The following TRIM33 variants were observed in gnomAD, a reference collection of about 807,000 sequenced individuals.
TRIM33 encodes tripartite motif containing 33, also known as E3 ubiquitin-protein ligase TRIM33.
A neutral mutation model predicts 125.4 loss-of-function variants in TRIM33; 20 were observed. The ratio of observed to expected loss-of-function variants is 0.16; its 90% CI spans 0.11 to 0.23. The LOEUF is 0.23. Ranked by LOEUF, TRIM33 falls within the 10% of genes least tolerant of loss-of-function variation. The probability of loss-of-function intolerance (pLI) is 1.00; values close to 1 mark genes in which losing one functional copy is unlikely to be tolerated. For missense variants in TRIM33, 920 were observed against 1,411.4 expected, an observed-to-expected ratio of 0.65 and a Z score of 5.58; for synonymous variants, 564 against 513.9, an observed-to-expected ratio of 1.10 and a Z score of -1.32.
intron 4 of TRIM33, among the ~76,000 whole-genome samples, chr1:114,439,301 G>A (rs1189100924): frequency 2.7e-5 from 4 of 148,046 alleles, no homozygotes; most frequent in African/African-American, 1.0e-4. Flanking sequence ...GTGAAACCCC[G>A]TCTCTACTAA....
chr1:114,454,393 G>C (rs1359700920), intron 4 of TRIM33, among the ~76,000 whole-genome samples: 1 of 151,938 alleles, frequency 6.6e-6, no homozygotes, highest in Admixed American at 6.6e-5. Context: ...AAACTAATAA[G>C]AAAAAAAGTA....
intron 1 of TRIM33, among the ~76,000 whole-genome samples, chr1:114,488,609 A>T (rs1306281874): frequency 6.6e-6 from 1 of 151,988 alleles, no homozygotes; most frequent in African/African-American, 2.4e-5. Flanking sequence ...ACAAAAAATT[A>T]AAAAATTAGC....
At chr1:114,410,052 C>T in intron 12 of TRIM33, 132 bp downstream of exon 12, 1 of 1,162,394 alleles carries the variant, frequency 8.6e-7, no homozygotes, top group Non-Finnish European at 1.2e-6. Context: ...AAATAAATCT[C>T]TCTCAATCTC....
intron 1 of TRIM33, chr1:114,468,302 T>G (rs1650429048): frequency 7.3e-6 from 2 of 275,568 alleles, no homozygotes; most frequent in South Asian, 7.1e-5. Context: ...GCCTAGCCCA[T>G]TCGAGCTGCA....
chr1:114,502,152 A>G (rs1229031537), intron 1 of TRIM33, among the ~76,000 whole-genome samples: 1 of 152,180 alleles, frequency 6.6e-6, no homozygotes, highest in Non-Finnish European at 1.5e-5. Flanking sequence ...TCATTTTTAC[A>G]TTTTACTAAA....
chr1:114,452,079 A>AAGAAT (rs112843829), intron 4 of TRIM33, among the ~76,000 whole-genome samples: 27,134 of 151,998 alleles, frequency 0.18, 2,961 homozygotes, highest in African/African-American at 0.32. Flanking sequence ...AACACTTCTA[A>AAGAAT]AGAATAAATG....
intron 1 of TRIM33, among the ~76,000 whole-genome samples, chr1:114,471,821 C>T (rs539971314): frequency 6.6e-6 from 1 of 152,046 alleles, no homozygotes; most frequent in Admixed American, 6.6e-5. Context: ...AAAGGTAAAA[C>T]AAAAATGGAA....
chr1:114,490,212 C>T lies in TRIM33; in HGVS notation c.526+20339G>A, dbSNP rs116394453. On this transcript the variant is annotated intron_variant, in intron 1 of 19. Transcript: ENST00000358465. ...TGACAACTTTAAAATGTCAAATAAC[C>T]TAATTAAATAATGGACAAAAGTCTG... is the stretch of plus-strand genomic sequence containing the variant. Among the ~76,000 whole-genome samples, 540 of 151,294 alleles carry T rather than the reference C, an allele frequency of 3.6e-3. 1 individual carries two copies. Among genetic ancestry groups the T allele is most frequent in the African/African-American group, 0.012 (510 of 41,306 alleles).
In TRIM33 at chr1:114,397,196, C is replaced by G. The variant is rs543718755; in HGVS notation, c.*452G>C. The G allele has an allele frequency of 8.6e-6, 2 of 231,554 alleles. No individual in the cohort carries two copies. The highest frequency in any genetic ancestry group is 1.7e-5 in the Non-Finnish European group (2 of 116,640). 14.3% of individuals were successfully genotyped at this position (231,554 alleles called of 1,614,324 possible). ...CTTGGGTTTTTAACTAGAAAACAAC[C>G]TGATATGTATGTGTGTGAAGGGGGA... On this transcript the variant is annotated 3_prime_UTR_variant, in exon 20 of 20. Transcript: ENST00000358465.
At chr1:114,430,759 G>T (rs1647895349) in intron 6 of TRIM33, 39 bp downstream of exon 6, 1 of 1,054,722 alleles carries the variant, frequency 9.5e-7, no homozygotes, top group East Asian at 2.4e-5. Context: ...TAAAGAGCAA[G>T]AGAAGCAGTT....
chr1:114,424,609 C>A lies in TRIM33; in HGVS notation c.1842G>T (p.Gln614His). Residue 614 changes from glutamine (Q) to histidine (H), a missense_variant, in exon 10 of 20, where the codon CAG becomes CAT. Physicochemically the swap from Gln to His is conservative, Grantham distance 24. Transcript: ENST00000358465. ...GGCATACTTGTCTTTGGAGGTGTGG[C>A]TGCATCATGGAATATTGAGGGCCGC... is the stretch of plus-strand genomic sequence containing the variant. ...RHSGPQYSMMQPHLQRQHSNP... is the reference protein window; with the variant it reads ...RHSGPQYSMMHPHLQRQHSNP... The A allele has an allele frequency of 6.3e-7, 1 of 1,595,110 alleles. No homozygotes were observed. The highest frequency in any genetic ancestry group is 8.5e-7 in the Non-Finnish European group (1 of 1,173,056).
chr1:114,432,093 T>C (rs1415482167), intron 5 of TRIM33, among the ~76,000 whole-genome samples: 1 of 152,202 alleles, frequency 6.6e-6, no homozygotes, highest in Non-Finnish European at 1.5e-5. Context: ...GGGGAAGTTA[T>C]CAGAGATTTT....
At chr1:114,445,068 G>T (rs1175800752) in intron 4 of TRIM33, among the ~76,000 whole-genome samples, 2 of 152,170 alleles carry the variant, frequency 1.3e-5, no homozygotes, top group Non-Finnish European at 2.9e-5. Context: ...GCAAATGGGA[G>T]ATGTCTGAAG....
intron 11 of TRIM33, among the ~76,000 whole-genome samples, chr1:114,416,922 A>C (rs1652973552): frequency 6.6e-6 from 1 of 152,250 alleles, no homozygotes; most frequent in Non-Finnish European, 1.5e-5. Flanking sequence ...CACTACGTTC[A>C]TACTTGTATG....
intron 1 of TRIM33, among the ~76,000 whole-genome samples, chr1:114,489,003 GTGCACCAC>G (rs1651888656): frequency 6.6e-6 from 1 of 152,164 alleles, no homozygotes; most frequent in Non-Finnish European, 1.5e-5. Context: ...TAAGCCCTGA[GTGCACCAC>G]TGCACTACAG....
chr1:114,405,528 C>A lies in TRIM33; in HGVS notation c.2650G>T (p.Asp884Tyr). Residue 884 changes from aspartate to tyrosine, a missense_variant, in exon 15 of 20, where the codon GAC becomes TAC. Transcript: ENST00000358465. ...IGGDGNNKDDDPNEDWCAVCQ... is the reference protein window; with the variant it reads ...IGGDGNNKDDYPNEDWCAVCQ... The stretch of plus-strand genomic sequence containing the variant: ...ACAGCACACCAGTCTTCATTTGGGT[C>A]ATCATCTTTATTGTTGCCATCTCCT... 1 of 1,614,196 alleles carries A rather than the reference C, an allele frequency of 6.2e-7. No homozygotes were observed. Among genetic ancestry groups the A allele is most frequent in the South Asian group, 1.1e-5 (1 of 91,072 alleles).
intron 1 of TRIM33, among the ~76,000 whole-genome samples, chr1:114,471,371 G>A (rs759768085): frequency 6.6e-6 from 1 of 151,714 alleles, no homozygotes; most frequent in Non-Finnish European, 1.5e-5. Context: ...AACCCAGGAG[G>A]CGGAGACTGC....
chr1:114,427,738 T>A lies in TRIM33; in HGVS notation c.1302+10A>T. On this transcript the variant is annotated intron_variant, in intron 7 of 19. Coordinates refer to ENST00000358465, the MANE Select transcript of TRIM33 (RefSeq NM_015906.4). ...CCATTAAAGAAAAATAAAAACAGTA[T>A]GTGTCTCACCAGTCGCTTGCTGTAT... 3 of 1,610,386 alleles carry A rather than the reference T, an allele frequency of 1.9e-6. No homozygotes were observed. The highest frequency in any genetic ancestry group is 2.5e-6 in the Non-Finnish European group (3 of 1,177,804).
chr1:114,502,405 A>G (rs1160173337), intron 1 of TRIM33, among the ~76,000 whole-genome samples: 1 of 152,258 alleles, frequency 6.6e-6, no homozygotes, highest in African/African-American at 2.4e-5. Context: ...ATGACCATCA[A>G]ATGTATAATA....
Sources: allele counts gnomAD v4.1 joint callset (sites outside exome capture counted in the v4.1 genomes callset), GRCh38; gene constraint gnomAD v4.1.1; transcripts MANE v1.5; gene names NCBI Gene and HGNC (gene_info 2026-07-23, HGNC 2026-07-21).